The following ZNF469 variants were observed in gnomAD, a reference collection of about 807,000 sequenced individuals.
ZNF469 encodes the protein zinc finger protein 469.
In ZNF469, 1 loss-of-function variant was observed where a neutral mutation model predicts 1.0. The observed-to-expected ratio is 1.00, with a 90% confidence interval of 0.35 to 4.73. The LOEUF is 4.73. Among genes scored for constraint, ZNF469 ranks in the 30% most tolerant of loss-of-function variants. The probability of loss-of-function intolerance (pLI) is 0.16; values close to 1 mark genes in which losing one functional copy is unlikely to be tolerated. For missense variants in ZNF469, 6,100 were observed against 5,356.3 expected, an observed-to-expected ratio of 1.14 and a Z score of -4.33; for synonymous variants, 2,703 against 2,363.4, an observed-to-expected ratio of 1.14 and a Z score of -4.17.
At chr16:88,355,245 G>A in the ZNF469 span, among the ~76,000 whole-genome samples, 307 of 152,318 alleles carry the variant, frequency 2.0e-3, no homozygotes, top group Non-Finnish European at 3.4e-3. Flanking sequence ...GGCTGGAGGT[G>A]CTTAAAGGCT....
At chr16:88,235,224 C>T in the ZNF469 span, among the ~76,000 whole-genome samples, 8 of 152,210 alleles carry the variant, frequency 5.3e-5, no homozygotes, top group Admixed American at 5.2e-4. Context: ...CGGGGTCTCT[C>T]CTTGGTCCCT....
the ZNF469 span, among the ~76,000 whole-genome samples, chr16:88,276,291 G>A: frequency 2.6e-5 from 4 of 152,180 alleles, no homozygotes; most frequent in Non-Finnish European, 4.4e-5. Context: ...TGGATATGGA[G>A]TGGGGGTGCA....
the ZNF469 span, among the ~76,000 whole-genome samples, chr16:88,190,989 A>C: frequency 6.6e-6 from 1 of 151,862 alleles, no homozygotes; most frequent in Non-Finnish European, 1.5e-5. Context: ...GGAAGCCTCT[A>C]AGTCAGTGGT....
the ZNF469 span, among the ~76,000 whole-genome samples, chr16:88,204,587 G>A: frequency 6.6e-6 from 1 of 152,230 alleles, no homozygotes; most frequent in Non-Finnish European, 1.5e-5. Context: ...CCGACAGGAG[G>A]AAGAGATACT....
At chr16:88,408,224 C>T (rs577869780) in intron 1 of ZNF469, among the ~76,000 whole-genome samples, 2 of 152,348 alleles carry the variant, frequency 1.3e-5, no homozygotes, top group Non-Finnish European at 1.5e-5. Flanking sequence ...GTGATCTCAG[C>T]TCACTACAAC....
chr16:88,160,507 C>G, the ZNF469 span, among the ~76,000 whole-genome samples: 1 of 152,168 alleles, frequency 6.6e-6, no homozygotes, highest in South Asian at 2.1e-4. Flanking sequence ...CCATCGCGGT[C>G]TTTTCTGCGG....
rs1309936494 is a variant in ZNF469, at chr16:88,424,560, C to T, written c.-191-247C>T. Among the ~76,000 whole-genome samples the T allele has an allele frequency of 6.6e-6, 1 of 152,316 alleles. No individual in the cohort carries two copies. The highest frequency in any genetic ancestry group is 1.5e-5 in the Non-Finnish European group (1 of 68,022). ...ACAAAAAGAGATTTAAGATAGCCGT[C>T]AAAGCTGCAGCTGAGGCAGCCAGGT... On this transcript the variant is annotated intron_variant, in intron 1 of 2. Transcript: ENST00000565624. This position sits in a 1 kb window ranked among gnomAD's most constrained non-coding sequence, Gnocchi z 4.3.
chr16:88,356,162 G>C, the ZNF469 span, among the ~76,000 whole-genome samples: 16 of 152,100 alleles, frequency 1.1e-4, no homozygotes, highest in South Asian at 3.3e-3. Context: ...TCCATCCCTC[G>C]TGCCCCTCCC....
the ZNF469 span, among the ~76,000 whole-genome samples, chr16:88,303,007 G>A: frequency 1.2e-3 from 187 of 152,304 alleles, no homozygotes; most frequent in Middle Eastern, 3.4e-3. Flanking sequence ...CTCCTGTCCC[G>A]GGTGCCAGTG....
chr16:88,262,482 G>A, the ZNF469 span, among the ~76,000 whole-genome samples: 1 of 152,190 alleles, frequency 6.6e-6, no homozygotes, highest in African/African-American at 2.4e-5. The surrounding 1 kb of genome is among the most constrained non-coding windows in gnomAD (Gnocchi z 4.3). Context: ...ACGGATGGCT[G>A]CAAATTTCCT....
the ZNF469 span, among the ~76,000 whole-genome samples, chr16:88,229,566 C>CAT: frequency 8.0e-6 from 1 of 124,830 alleles, no homozygotes; most frequent in Non-Finnish European, 1.8e-5. Flanking sequence ...GTGTGGATGT[C>CAT]ACGCTTGTGC....
the ZNF469 span, among the ~76,000 whole-genome samples, chr16:88,257,629 G>A: frequency 6.6e-6 from 1 of 152,046 alleles, no homozygotes; most frequent in Admixed American, 6.6e-5. Context: ...TCTTCTAGGA[G>A]TTTTATAGTT....
rs181860830 is a variant in ZNF469 at position 88,394,971 on chromosome 16, G to A, written c.-192+11717G>A. Among the ~76,000 whole-genome samples the A allele has an allele frequency of 5.3e-5, 8 of 152,244 alleles. No individual in the cohort carries two copies. In the East Asian group the frequency reaches 5.8e-4, roughly 11 times the overall value. On this transcript the variant is annotated intron_variant, in intron 1 of 2. Transcript: ENST00000565624. Reference sequence around the variant, plus strand: ...ACTGTGCCTTGGCCCCAACAACAGCGTTGCCCCCATCAGCCTCTCCACTCT... The same window carrying A: ...ACTGTGCCTTGGCCCCAACAACAGCATTGCCCCCATCAGCCTCTCCACTCT...
chr16:88,105,467 G>A, the ZNF469 span, among the ~76,000 whole-genome samples: 27 of 152,164 alleles, frequency 1.8e-4, no homozygotes, highest in African/African-American at 6.5e-4. Flanking sequence ...ACCACGCCCA[G>A]CTAATTTTCG....
the ZNF469 span, among the ~76,000 whole-genome samples, chr16:88,220,134 G>GGT: frequency 6.6e-6 from 1 of 152,142 alleles, no homozygotes; most frequent in East Asian, 1.9e-4. Flanking sequence ...ATGGCCCCAT[G>GGT]GTGGCCTCAT....
intron 1 of ZNF469, among the ~76,000 whole-genome samples, chr16:88,415,537 G>T (rs1343047951): frequency 6.6e-6 from 1 of 152,220 alleles, no homozygotes; most frequent in African/African-American, 2.4e-5. Flanking sequence ...CAGTGCAGTG[G>T]GAATGCCTGT....
chr16:88,364,489 CAAAAAAA>C, the ZNF469 span, among the ~76,000 whole-genome samples: 6 of 56,142 alleles, frequency 1.1e-4, no homozygotes, highest in African/African-American at 1.8e-4. Flanking sequence ...TGTTGATTTC[CAAAAAAA>C]AAAAAAAAAA....
chr16:88,198,619 C>T, the ZNF469 span, among the ~76,000 whole-genome samples: 11 of 152,264 alleles, frequency 7.2e-5, no homozygotes, highest in Admixed American at 3.3e-4. Context: ...CTGGCCTTGG[C>T]GAAGCAGGTG....
chr16:88,210,705 C>T, the ZNF469 span, among the ~76,000 whole-genome samples: 9 of 152,234 alleles, frequency 5.9e-5, 1 homozygote, highest in South Asian at 8.3e-4. Flanking sequence ...GAGACGTGAA[C>T]GTCACTTTGA....
Sources: allele counts gnomAD v4.1 joint callset (sites outside exome capture counted in the v4.1 genomes callset), GRCh38; gene constraint gnomAD v4.1.1; non-coding constraint Gnocchi (gnomAD v3.1); transcripts MANE v1.5; gene names NCBI Gene and HGNC (gene_info 2026-07-23, HGNC 2026-07-21).